MYT1L: variants seen among roughly 807,000 people sequenced by gnomAD.
MYT1L encodes the protein myelin transcription factor 1-like protein.
Under a neutral mutation model 126.7 loss-of-function variants are expected in MYT1L, and 12 were observed. That is an observed-to-expected ratio of 0.09 (90% CI 0.06 to 0.15). The LOEUF (loss-of-function observed/expected upper bound fraction) is 0.15. Among genes scored for constraint, MYT1L ranks in the 10% least tolerant of loss-of-function variants. The pLI, the probability that MYT1L is intolerant of heterozygous loss-of-function variation, is 1.00. For synonymous variants in MYT1L, 541 were observed against 604.2 expected (o/e 0.90, Z 1.53); for missense variants, 979 against 1,585.2 (o/e 0.62, Z 6.49).
intron 3 of MYT1L, among the ~76,000 whole-genome samples, chr2:2,103,793 T>A (rs963758359): frequency 3.3e-5 from 5 of 152,210 alleles, no homozygotes; most frequent in African/African-American, 1.2e-4. Flanking sequence ...GATCTCACGG[T>A]GACAAGCAGG....
At chr2:2,322,462 C>A (rs2096184320) in intron 1 of MYT1L, among the ~76,000 whole-genome samples, 1 of 152,116 alleles carries the variant, frequency 6.6e-6, no homozygotes, top group African/African-American at 2.4e-5. Context: ...GTGCACATCA[C>A]CCTGTTTCCA....
chr2:1,821,508 C>T (rs1238168642), intron 21 of MYT1L, among the ~76,000 whole-genome samples: 2 of 152,166 alleles, frequency 1.3e-5, no homozygotes, highest in Admixed American at 1.3e-4. Flanking sequence ...TGTCTGATGA[C>T]AAATTATAGG....
chr2:2,107,015 G>T lies in MYT1L; in HGVS notation c.-303-52892C>A, dbSNP rs1197337530. On this transcript the variant is annotated intron_variant, in intron 3 of 24. Coordinates refer to ENST00000647738, the MANE Select transcript of MYT1L (RefSeq NM_001303052.2). ...GTTAGTTAACCTTCCAGAGCTGGAA[G>T]TACCTCATCTATAAAGTGGAGATCA... is the stretch of plus-strand genomic sequence containing the variant. Among the ~76,000 whole-genome samples the T allele has an allele frequency of 2.0e-5, 3 of 151,712 alleles. No individual in the cohort carries two copies. The East Asian group carries it at 5.8e-4, about 29-fold the overall frequency.
intron 3 of MYT1L, among the ~76,000 whole-genome samples, chr2:2,143,289 C>CAAA (rs781544456): frequency 5.5e-5 from 3 of 55,014 alleles, no homozygotes; most frequent in Non-Finnish European, 7.5e-5. Context: ...GACTCCGTCT[C>CAAA]AAAAAAAAAA....
chr2:2,141,726 A>G (rs2084011636), intron 3 of MYT1L, among the ~76,000 whole-genome samples: 1 of 152,178 alleles, frequency 6.6e-6, no homozygotes, highest in Non-Finnish European at 1.5e-5. Flanking sequence ...AAGTAACCCT[A>G]CGTCATGGGG....
Position 2,197,890 on chromosome 2 carries a change from C to CAT in MYT1L, c.-420-24903_-420-24902insAT, listed in dbSNP as rs35300190. ...ACATATATACACATGCACACACACA[C>CAT]AACGAATGTGTACAGATGTATATAA... On this transcript the variant is annotated intron_variant, in intron 2 of 24. Transcript: ENST00000647738. Among the ~76,000 whole-genome samples, 1,424 of 151,346 alleles carry CAT rather than the reference C, an allele frequency of 9.4e-3. 28 individuals carry two copies. The highest frequency in any genetic ancestry group is 0.033 in the African/African-American group (1,342 of 41,210).
intron 14 of MYT1L, among the ~76,000 whole-genome samples, chr2:1,893,536 A>C (rs1049679086): frequency 1.2e-4 from 19 of 152,144 alleles, no homozygotes; most frequent in Non-Finnish European, 2.6e-4. Context: ...CCTAGTCCTA[A>C]TCGGCAAAGC....
At chr2:1,821,470 A>G (rs1289830017) in intron 21 of MYT1L, among the ~76,000 whole-genome samples, 1 of 152,244 alleles carries the variant, frequency 6.6e-6, no homozygotes, top group Non-Finnish European at 1.5e-5. Context: ...TGAATACAAT[A>G]TATTTTAATG....
intron 3 of MYT1L, among the ~76,000 whole-genome samples, chr2:2,101,918 C>T (rs2078142896): frequency 1.3e-5 from 2 of 152,232 alleles, no homozygotes; most frequent in Non-Finnish European, 2.9e-5. Context: ...CAGTCATAAC[C>T]TTTCTTGAAA....
intron 8 of MYT1L, among the ~76,000 whole-genome samples, chr2:1,952,241 T>G (rs1218373571): frequency 6.6e-6 from 1 of 152,206 alleles, no homozygotes; most frequent in Non-Finnish European, 1.5e-5. Context: ...TTTTTTATCT[T>G]TTTAAAGTCA....
chr2:2,184,505 T>C (rs1191700956), intron 2 of MYT1L, among the ~76,000 whole-genome samples: 2 of 152,214 alleles, frequency 1.3e-5, no homozygotes, highest in African/African-American at 4.8e-5. Flanking sequence ...TGTGTCAAAG[T>C]AGCATGCTTT....
At chr2:1,909,636 T>A (rs561698323) in intron 13 of MYT1L, among the ~76,000 whole-genome samples, 4 of 152,210 alleles carry the variant, frequency 2.6e-5, no homozygotes, top group African/African-American at 9.7e-5. Context: ...ATCTGCGACA[T>A]TGTAACACTG....
chr2:1,948,295 T>C (rs1218268665), intron 8 of MYT1L, among the ~76,000 whole-genome samples: 1 of 152,238 alleles, frequency 6.6e-6, no homozygotes, highest in Non-Finnish European at 1.5e-5. Flanking sequence ...ATTTGCTCTC[T>C]ATTTGTTAAT....
rs2034936614 is a variant in MYT1L, at chr2:1,801,988, A to G, written c.3173-189T>C. 1 of 509,456 alleles carries G rather than the reference A, an allele frequency of 2.0e-6. No individual in the cohort carries two copies. Among genetic ancestry groups the G allele is most frequent in the South Asian group, 2.6e-5 (1 of 38,410 alleles). The allele number at this position is 509,456 out of a possible 1,614,324, so 31.6% of individuals were successfully genotyped here. A position where few individuals can be genotyped will look rare whatever the true frequency, so the allele number is the denominator to read the frequency against. ...TATTCCCTACCACCGCCCCTTCCCC[A>G]CCTAAGTTCCCCTACAAAAAGGAAC... On this transcript the variant is annotated intron_variant, in intron 22 of 24. Coordinates refer to ENST00000647738, the MANE Select transcript of MYT1L (RefSeq NM_001303052.2). The surrounding 1 kb of genome is among the most constrained non-coding windows in gnomAD (Gnocchi z 4.2).
chr2:2,115,595 C>A (rs994820573), intron 3 of MYT1L, among the ~76,000 whole-genome samples: 1 of 152,230 alleles, frequency 6.6e-6, no homozygotes, highest in Non-Finnish European at 1.5e-5. Context: ...ATTTACTTTG[C>A]CAAATGTTTG....
intron 3 of MYT1L, among the ~76,000 whole-genome samples, chr2:2,112,694 G>A (rs991703802): frequency 6.6e-5 from 10 of 152,168 alleles, no homozygotes; most frequent in African/African-American, 2.4e-4. Context: ...CACTGAGGAT[G>A]CTCATTAGGA....
intron 14 of MYT1L, among the ~76,000 whole-genome samples, chr2:1,893,574 T>C (rs1241776895): frequency 6.6e-6 from 1 of 152,094 alleles, no homozygotes; most frequent in Admixed American, 6.5e-5. Context: ...TGATGGAAAC[T>C]ATGGTTTTGT....
intron 8 of MYT1L, among the ~76,000 whole-genome samples, chr2:1,954,937 GAGAGAGAA>G (rs1308488135): frequency 6.6e-6 from 1 of 151,180 alleles, no homozygotes; most frequent in Non-Finnish European, 1.5e-5. Context: ...GAGAAAGTGA[GAGAGAGAA>G]AGAGAAAAAG....
chr2:2,145,642 G>GACACACAC (rs139332300), intron 3 of MYT1L, among the ~76,000 whole-genome samples: 180 of 146,526 alleles, frequency 1.2e-3, no homozygotes, highest in African/African-American at 4.2e-3. Context: ...ACACACACAA[G>GACACACAC]ACACACACAC....
Sources: gnomAD v4.1 joint callset for allele counts (sites outside exome capture counted in the v4.1 genomes callset) on GRCh38, gnomAD v4.1.1 for gene constraint, Gnocchi (gnomAD v3.1) non-coding constraint, MANE v1.5 for transcripts, NCBI Gene and HGNC (gene_info 2026-07-23, HGNC 2026-07-21) for gene names.